LRMDA: variants seen among roughly 807,000 people sequenced by gnomAD.
LRMDA encodes the protein leucine rich melanocyte differentiation associated.
LRMDA carries 18 observed loss-of-function variants against 29.8 expected under a neutral mutation model. The ratio of observed to expected loss-of-function variants is 0.60; its 90% CI spans 0.42 to 0.90. LRMDA has a LOEUF of 0.90. LRMDA is among the 40% of genes least tolerant of loss of function. The pLI, the probability that LRMDA is intolerant of heterozygous loss-of-function variation, is 0.00. For synonymous variants in LRMDA, 125 were observed against 109.4 expected (o/e 1.14, Z -0.89); for missense variants, 273 against 273.9 (o/e 1.00, Z 0.02).
chr10:76,465,245 A>G (rs1003955115), intron 6 of LRMDA, among the ~76,000 whole-genome samples: 8 of 152,192 alleles, frequency 5.3e-5, no homozygotes, highest in Non-Finnish European at 1.0e-4. Context: ...ATTTGTGGCC[A>G]TGGGCATATG....
chr10:75,587,942 G>T lies in LRMDA; in HGVS notation c.131+149448G>T, dbSNP rs141644596. Reference sequence around the variant, plus strand: ...CTTAAAGAGGCAGTGCGTGATGGTTGTTTCTTGTATAACCCCTAAAATCTT... The same window carrying T: ...CTTAAAGAGGCAGTGCGTGATGGTTTTTTCTTGTATAACCCCTAAAATCTT... On this transcript the variant is annotated intron_variant, in intron 2 of 6. Transcript: ENST00000611255. Among the ~76,000 whole-genome samples, 9 of 152,326 alleles carry T rather than the reference G, an allele frequency of 5.9e-5. No individual in the cohort carries two copies. In the East Asian group the frequency reaches 1.7e-3, roughly 29 times the overall value.
chr10:76,061,502 T>G (rs771924529), intron 5 of LRMDA, among the ~76,000 whole-genome samples: 5 of 152,114 alleles, frequency 3.3e-5, no homozygotes, highest in Non-Finnish European at 5.9e-5. Context: ...ACCTGCATAT[T>G]TACCCCCAAA....
intron 5 of LRMDA, among the ~76,000 whole-genome samples, chr10:76,308,656 C>T (rs962069508): frequency 2.0e-5 from 3 of 152,230 alleles, no homozygotes; most frequent in African/African-American, 7.2e-5. Flanking sequence ...CACCTCTCTC[C>T]TCCCAGCCTG....
intron 5 of LRMDA, among the ~76,000 whole-genome samples, chr10:76,153,032 G>A (rs1308992655): frequency 6.6e-6 from 1 of 151,948 alleles, no homozygotes; most frequent in East Asian, 1.9e-4. Flanking sequence ...GTAGAGACGG[G>A]GTTTCACCAT....
intron 2 of LRMDA, among the ~76,000 whole-genome samples, chr10:75,548,609 C>A (rs1213410961): frequency 6.6e-6 from 1 of 152,114 alleles, no homozygotes; most frequent in Non-Finnish European, 1.5e-5. Context: ...CCTTTTTGAA[C>A]TCTCTGCATT....
chr10:76,030,212 C>T (rs138066283), intron 2 of LRMDA, among the ~76,000 whole-genome samples: 3 of 152,228 alleles, frequency 2.0e-5, no homozygotes, highest in Non-Finnish European at 2.9e-5. Flanking sequence ...CATCTTGATA[C>T]ACTTACAGTA....
chr10:75,914,080 A>T (rs1020938064), intron 2 of LRMDA, among the ~76,000 whole-genome samples: 1 of 152,220 alleles, frequency 6.6e-6, no homozygotes, highest in Non-Finnish European at 1.5e-5. Context: ...AAATGAAGTG[A>T]TATCATCCGA....
At chr10:76,173,941 C>T (rs978703806) in intron 5 of LRMDA, among the ~76,000 whole-genome samples, 2 of 151,940 alleles carry the variant, frequency 1.3e-5, no homozygotes, top group Non-Finnish European at 2.9e-5. Context: ...ATTACAGGTG[C>T]GAGCCACTGC....
chr10:76,257,556 A>T (rs1283176630), intron 5 of LRMDA, among the ~76,000 whole-genome samples: 1 of 151,678 alleles, frequency 6.6e-6, no homozygotes, highest in Non-Finnish European at 1.5e-5. Flanking sequence ...CTGGTCTCGA[A>T]CTCCTGACCT....
At position 75,949,680 on chromosome 10, in the gene LRMDA, G is replaced by A. The variant is rs1418104031; in HGVS notation, c.132-86328G>A. On this transcript the variant is annotated intron_variant, in intron 2 of 6. Coordinates refer to ENST00000611255, the MANE Select transcript of LRMDA (RefSeq NM_001305581.2). ...TATGCTTCTCTCCTTGGGCACCCTC[G>A]ATTTGGAGCTTGTGATGATCTACCT... 6.6e-5 allele frequency among the ~76,000 whole-genome samples: 10 copies of A among 152,200 alleles called. No individual in the cohort carries two copies. In the East Asian group the frequency reaches 1.2e-3, roughly 18 times the overall value.
At chr10:76,330,312 T>C (rs146374816) in intron 6 of LRMDA, among the ~76,000 whole-genome samples, 99 of 152,268 alleles carry the variant, frequency 6.5e-4, no homozygotes, top group African/African-American at 2.2e-3. Flanking sequence ...TTTATGCTTA[T>C]GTTGATGAAG....
At chr10:76,279,381 C>T (rs572397303) in intron 5 of LRMDA, among the ~76,000 whole-genome samples, 11 of 152,084 alleles carry the variant, frequency 7.2e-5, no homozygotes, top group Non-Finnish European at 1.5e-4. Flanking sequence ...TCATCATCAT[C>T]ATTATTCTTT....
At chr10:76,510,361 AC>A (rs1159902834) in intron 6 of LRMDA, among the ~76,000 whole-genome samples, 5 of 151,406 alleles carry the variant, frequency 3.3e-5, no homozygotes, top group Non-Finnish European at 7.4e-5. Flanking sequence ...GTGAGCCACC[AC>A]CCCCAGCCGC....
At chr10:75,668,228 T>C (rs1167930625) in intron 2 of LRMDA, among the ~76,000 whole-genome samples, 1 of 152,224 alleles carries the variant, frequency 6.6e-6, no homozygotes, top group Non-Finnish European at 1.5e-5. Context: ...CACGTAAGGC[T>C]CTTTTCTTCT....
intron 6 of LRMDA, among the ~76,000 whole-genome samples, chr10:76,520,980 A>G (rs1456705680): frequency 1.3e-5 from 2 of 152,150 alleles, no homozygotes; most frequent in Admixed American, 1.3e-4. Context: ...CATATTTTCT[A>G]TAATATTAAC....
chr10:75,787,285 A>G (rs912220309), intron 2 of LRMDA, among the ~76,000 whole-genome samples: 1 of 151,948 alleles, frequency 6.6e-6, no homozygotes, highest in Non-Finnish European at 1.5e-5. Flanking sequence ...TTCCCTCCAC[A>G]TTGTCAGGAT....
At chr10:75,444,847 T>C (rs1844371802) in intron 2 of LRMDA, among the ~76,000 whole-genome samples, 1 of 152,218 alleles carries the variant, frequency 6.6e-6, no homozygotes. Context: ...TCTTTTACAA[T>C]GCCAAATACT....
chr10:76,360,057 C>T (rs886925496), intron 6 of LRMDA, among the ~76,000 whole-genome samples: 9 of 152,086 alleles, frequency 5.9e-5, no homozygotes, highest in African/African-American at 1.9e-4. Context: ...TGCAATCACA[C>T]GATCTTGGCT....
At chr10:76,416,189 T>A (rs78030197) in intron 6 of LRMDA, among the ~76,000 whole-genome samples, 1,876 of 152,274 alleles carry the variant, frequency 0.012, 28 homozygotes, top group African/African-American at 0.043. Flanking sequence ...AAGGCAGGAC[T>A]GGGATGGAAG....
Sources: allele counts gnomAD v4.1 joint callset (sites outside exome capture counted in the v4.1 genomes callset), GRCh38; gene constraint gnomAD v4.1.1; transcripts MANE v1.5; gene names NCBI Gene and HGNC (gene_info 2026-07-23, HGNC 2026-07-21).